Variants in KANSL1L observed in about 807,000 individuals in gnomAD.
The protein encoded by KANSL1L is KAT8 regulatory NSL complex subunit 1-like protein.
Under a neutral mutation model 108.6 loss-of-function variants are expected in KANSL1L, and 25 were observed. That is an observed-to-expected ratio of 0.23 (90% confidence interval 0.17 to 0.32). KANSL1L has a LOEUF of 0.32. Among genes scored for constraint, KANSL1L ranks in the 10% least tolerant of loss-of-function variants. KANSL1L has a pLI of 1.00. For missense variants in KANSL1L, 1,137 were observed against 1,125.7 expected, an observed-to-expected ratio of 1.01 and a Z score of -0.14; for synonymous variants, 405 against 395.1, an observed-to-expected ratio of 1.03 and a Z score of -0.30.
In KANSL1L at chr2:210,154,160, G is replaced by T. The variant is rs534003008; in HGVS notation, c.423C>A (p.Thr141=). 8.7e-6 allele frequency: 14 copies of T among 1,613,900 alleles called. No individual in the cohort carries two copies. In the South Asian group the frequency reaches 1.5e-4, roughly 18 times the overall value. The change falls in exon 2 of 15, where the codon ACC becomes ACA. Residue 141 remains threonine (T), a synonymous_variant. Transcript: ENST00000281772. The part of the protein sequence containing the change: ...EFIKKEPLSD[T]TSQCMKDVQI... ...GTACATCTTTCATGCACTGGCTCGT[G>T]GTATCTGATAGAGGCTCCTTTTTGA...
Position 210,104,113 on chromosome 2 carries a change from G to C in KANSL1L, c.1419C>G (p.Ile473Met), listed in dbSNP as rs199722026. The C allele has an allele frequency of 2.5e-6, 4 of 1,612,340 alleles. No homozygotes were observed. Among genetic ancestry groups the C allele is most frequent in the Non-Finnish European group, 3.4e-6 (4 of 1,178,756 alleles). The change falls in exon 4 of 15, where the codon ATC (isoleucine) becomes ATG (methionine). Residue 473 changes from isoleucine to methionine, a missense_variant. Ile to Met is a conservative substitution (Grantham distance 10, BLOSUM62 1). Around this residue, in one of 3 missense-constraint regions of KANSL1L, gnomAD observed 6 missense variants for 20.9 expected, o/e 0.29. Coordinates refer to ENST00000281772, the MANE Select transcript of KANSL1L (RefSeq NM_152519.4). ...CTTACTTTGACTTTACCTGTTTTTC[G>C]ATGTTTCGAAGAAGTAAAGTAGGGC... is the stretch of plus-strand genomic sequence containing the variant. Reference protein sequence around the residue: ...PSSPTLLLRNIEKQSAQLTEI... With the variant: ...PSSPTLLLRNMEKQSAQLTEI...
chr2:210,058,256 G>A (rs912903665), intron 6 of KANSL1L, among the ~76,000 whole-genome samples: 7 of 152,220 alleles, frequency 4.6e-5, no homozygotes, highest in South Asian at 4.1e-4. Flanking sequence ...CCAGTCTCCC[G>A]TAGCACTCCC....
At chr2:210,125,264 GAA>G (rs2095056153) in intron 3 of KANSL1L, among the ~76,000 whole-genome samples, 1 of 151,864 alleles carries the variant, frequency 6.6e-6, no homozygotes, top group Non-Finnish European at 1.5e-5. Flanking sequence ...CAAAAGAAAA[GAA>G]AAGAAAAGAA....
chr2:210,059,137 CA>C (rs71043969), intron 6 of KANSL1L, among the ~76,000 whole-genome samples: 12,151 of 71,774 alleles, frequency 0.17, 382 homozygotes, highest in Middle Eastern at 0.23. Context: ...GACTCCGTCT[CA>C]AAAAAAAAAA....
intron 2 of KANSL1L, among the ~76,000 whole-genome samples, chr2:210,142,888 G>A (rs2125597965): frequency 6.6e-6 from 1 of 152,178 alleles, no homozygotes; most frequent in Admixed American, 6.5e-5. Flanking sequence ...CCTGAAGAAT[G>A]TTCCCTTACA....
At chr2:210,114,278 C>CA (rs942460053) in intron 3 of KANSL1L, among the ~76,000 whole-genome samples, 1 of 151,774 alleles carries the variant, frequency 6.6e-6, no homozygotes, top group African/African-American at 2.4e-5. Flanking sequence ...ATATTCAAAG[C>CA]AAAAAACAAA....
chr2:210,048,430 T>G (rs911907400), intron 6 of KANSL1L, among the ~76,000 whole-genome samples: 16 of 152,172 alleles, frequency 1.1e-4, no homozygotes, highest in African/African-American at 3.9e-4. Flanking sequence ...TTTAGCTCTG[T>G]CTATACCCTT....
intron 6 of KANSL1L, among the ~76,000 whole-genome samples, chr2:210,061,259 C>T (rs577767301): frequency 6.3e-4 from 96 of 152,260 alleles, no homozygotes; most frequent in African/African-American, 2.0e-3. Context: ...CAACCCGCTT[C>T]TATAGAAAGT....
At chr2:210,046,481 G>A (rs2094224443) in intron 6 of KANSL1L, among the ~76,000 whole-genome samples, 1 of 152,110 alleles carries the variant, frequency 6.6e-6, no homozygotes, top group Non-Finnish European at 1.5e-5. Context: ...GGTGGGAGAG[G>A]CATAGGATAG....
intron 6 of KANSL1L, among the ~76,000 whole-genome samples, chr2:210,073,870 C>T (rs924049404): frequency 1.6e-4 from 25 of 151,912 alleles, no homozygotes; most frequent in African/African-American, 5.8e-4. Context: ...TTCTTTAACA[C>T]ATTAAACAAT....
chr2:210,159,648 C>A (rs10179108), intron 1 of KANSL1L, among the ~76,000 whole-genome samples: 379 of 152,268 alleles, frequency 2.5e-3, no homozygotes, highest in African/African-American at 8.8e-3. Context: ...CAAGTAGTAA[C>A]AACACCTATT....
At chr2:210,167,541 C>A (rs551679279) in intron 1 of KANSL1L, among the ~76,000 whole-genome samples, 16 of 152,088 alleles carry the variant, frequency 1.1e-4, no homozygotes, top group South Asian at 1.0e-3. Flanking sequence ...TACACTATCA[C>A]ATTTGCTCAG....
In KANSL1L at chr2:210,061,150, T is replaced by C. The variant is rs140594009; in HGVS notation, c.1755+14402A>G. 4.1e-3 allele frequency among the ~76,000 whole-genome samples: 620 copies of C among 152,376 alleles called. 4 individuals carry two copies. Among genetic ancestry groups the C allele is most frequent in the African/African-American group, 0.014 (590 of 41,594 alleles). On this transcript the variant is annotated intron_variant, in intron 6 of 14. Transcript: ENST00000281772. Reference sequence around the variant, plus strand: ...TACTCAAACAATTAGGTTTATTAACTAAAATCTTATAATACAATAAGTAGA... The same window carrying C: ...TACTCAAACAATTAGGTTTATTAACCAAAATCTTATAATACAATAAGTAGA...
intron 2 of KANSL1L, among the ~76,000 whole-genome samples, chr2:210,145,151 G>A (rs2095256605): frequency 6.6e-6 from 1 of 152,188 alleles, no homozygotes; most frequent in Admixed American, 6.5e-5. Context: ...GGGTTATTGG[G>A]TGCTCCAGTC....
chr2:210,106,196 G>A (rs186042582), intron 3 of KANSL1L, among the ~76,000 whole-genome samples: 89 of 152,194 alleles, frequency 5.8e-4, no homozygotes, highest in Non-Finnish European at 1.0e-3. Flanking sequence ...TTCTCCACAA[G>A]TACCTGCATG....
intron 5 of KANSL1L, chr2:210,079,833 T>C (rs1184489581): frequency 7.1e-6 from 1 of 141,752 alleles, no homozygotes; most frequent in Non-Finnish European, 1.5e-5. Flanking sequence ...AGCTGGAGAA[T>C]AATAAAAATC....
At chr2:210,126,023 A>G (rs2125527825) in intron 3 of KANSL1L, among the ~76,000 whole-genome samples, 1 of 152,350 alleles carries the variant, frequency 6.6e-6, no homozygotes, top group African/African-American at 2.4e-5. Flanking sequence ...CCAAACTGTA[A>G]AAGAAGTTAA....
At chr2:210,028,819 A>G in intron 11 of KANSL1L, 26 bp downstream of exon 11, 1 of 1,481,280 alleles carries the variant, frequency 6.8e-7, no homozygotes, top group South Asian at 1.3e-5. Context: ...GAAGGAAGAA[A>G]AATATGAAGA....
At chr2:210,085,034 A>G (rs1226568368) in intron 5 of KANSL1L, among the ~76,000 whole-genome samples, 1 of 152,200 alleles carries the variant, frequency 6.6e-6, no homozygotes, top group Non-Finnish European at 1.5e-5. Context: ...TTAACAAATT[A>G]ATCATAAAAA....
Sources: gnomAD v4.1 joint callset for allele counts (sites outside exome capture counted in the v4.1 genomes callset) on GRCh38, gnomAD v4.1.1 for gene constraint, gnomAD v4.1.1 regional missense constraint, MANE v1.5 for transcripts, NCBI Gene and HGNC (gene_info 2026-07-23, HGNC 2026-07-21) for gene names.